IQSEC1: variants seen among roughly 807,000 people sequenced by gnomAD.
IQSEC1 encodes IQ motif and Sec7 domain ArfGEF 1, also known as IQ motif and SEC7 domain-containing protein 1.
In IQSEC1, 31 loss-of-function variants were observed where a neutral mutation model predicts 91.0. The observed-to-expected ratio is 0.34, with a 90% confidence interval of 0.26 to 0.46. IQSEC1 has a LOEUF of 0.46. IQSEC1 is among the 20% of genes least tolerant of loss of function. The pLI is 1.00. For missense variants in IQSEC1, 1,388 were observed against 1,575.6 expected (o/e 0.88, Z 2.02); for synonymous variants, 699 against 662.6 (o/e 1.05, Z -0.84).
Position 13,064,677 on chromosome 3 carries a change from C to T in IQSEC1, c.23+8315G>A, listed in dbSNP as rs77147574. ...CTTCCCTCGACTGCGAGAGCAGTTG[C>T]ATTCCTGGAAAACTCAATGCATATT... On this transcript the variant is annotated intron_variant, in intron 1 of 13. Coordinates refer to ENST00000613206, the MANE Select transcript of IQSEC1 (RefSeq NM_001134382.3). Among the ~76,000 whole-genome samples, 8 of 152,380 alleles carry T rather than the reference C, an allele frequency of 5.3e-5. No homozygotes were observed. In the East Asian group the frequency reaches 1.5e-3, roughly 29 times the overall value.
chr3:13,158,196 T>TA (rs1312141955), intron 2 of IQSEC1, among the ~76,000 whole-genome samples: 1 of 152,164 alleles, frequency 6.6e-6, no homozygotes, highest in Admixed American at 6.5e-5. Context: ...CATGGCTGGA[T>TA]AGCGGCAGAG....
chr3:13,197,590 A>G (rs1315558747), intron 1 of IQSEC1, among the ~76,000 whole-genome samples: 1 of 152,206 alleles, frequency 6.6e-6, no homozygotes. Context: ...CCTATTCAGC[A>G]GCATCTTGAC....
intron 1 of IQSEC1, among the ~76,000 whole-genome samples, chr3:12,955,489 A>C (rs1234217540): frequency 6.6e-6 from 1 of 152,058 alleles, no homozygotes; most frequent in Non-Finnish European, 1.5e-5. Flanking sequence ...CCTGCAATCA[A>C]CCCCAGCCAG....
chr3:13,130,237 G>A (rs1195705662), intron 2 of IQSEC1, among the ~76,000 whole-genome samples: 6 of 150,864 alleles, frequency 4.0e-5, no homozygotes, highest in South Asian at 2.1e-4. Flanking sequence ...CCAGCTACTC[G>A]GAAGGCTAAG....
At chr3:12,966,597 G>A (rs1700586833) in intron 1 of IQSEC1, among the ~76,000 whole-genome samples, 1 of 151,958 alleles carries the variant, frequency 6.6e-6, no homozygotes, top group Non-Finnish European at 1.5e-5. Flanking sequence ...TCAGACAGCC[G>A]CCCACAGGCC....
chr3:13,058,762 G>C (rs573390829), intron 1 of IQSEC1, among the ~76,000 whole-genome samples: 2 of 152,322 alleles, frequency 1.3e-5, no homozygotes, highest in African/African-American at 4.8e-5. Flanking sequence ...GAGTGTGGGG[G>C]CTTCTATTTT....
intron 2 of IQSEC1, among the ~76,000 whole-genome samples, chr3:13,155,465 A>T (rs764974455): frequency 6.6e-5 from 10 of 152,240 alleles, no homozygotes; most frequent in Non-Finnish European, 1.2e-4. Context: ...ACTAATAAGG[A>T]GACTGAATTA....
At chr3:13,150,961 C>G (rs888632572) in intron 2 of IQSEC1, among the ~76,000 whole-genome samples, 1 of 152,204 alleles carries the variant, frequency 6.6e-6, no homozygotes, top group African/African-American at 2.4e-5. Flanking sequence ...GAGCTCTTCT[C>G]CCTCATGGCC....
Position 13,227,539 on chromosome 3 carries a change from C to T in IQSEC1, c.272+55172G>A, listed in dbSNP as rs1339351348. On this transcript the variant is annotated intron_variant, in intron 1 of 15. Transcript: ENST00000648114. ...GTGATAGTGACACATCGTGCAGGGGCTGTGCCCACTGTGAGGACTCTGGTT... is the reference window on the plus strand; with the variant it reads ...GTGATAGTGACACATCGTGCAGGGGTTGTGCCCACTGTGAGGACTCTGGTT... Among the ~76,000 whole-genome samples the T allele has an allele frequency of 2.0e-5, 3 of 152,108 alleles. No individual in the cohort carries two copies. In the East Asian group the frequency reaches 5.8e-4, roughly 29 times the overall value.
At chr3:13,169,857 T>C (rs1358281545) in intron 1 of IQSEC1, among the ~76,000 whole-genome samples, 1 of 152,188 alleles carries the variant, frequency 6.6e-6, no homozygotes, top group Non-Finnish European at 1.5e-5. Context: ...TTCAGTTTTC[T>C]AAGGGAAGCA....
chr3:12,932,498 C>G (rs546043805), intron 3 of IQSEC1, among the ~76,000 whole-genome samples: 6 of 152,328 alleles, frequency 3.9e-5, no homozygotes, highest in African/African-American at 1.2e-4. Context: ...CCCTGGGAAC[C>G]ATGCCTGGCG....
At chr3:13,000,129 A>T (rs1702362377) in intron 1 of IQSEC1, among the ~76,000 whole-genome samples, 2 of 152,242 alleles carry the variant, frequency 1.3e-5, no homozygotes. Context: ...ATTCCAAATC[A>T]ATCAAAAACA....
intron 1 of IQSEC1, among the ~76,000 whole-genome samples, chr3:12,951,644 C>T (rs992154185): frequency 2.0e-5 from 3 of 152,136 alleles, no homozygotes; most frequent in African/African-American, 4.8e-5. Context: ...AGAATGATGC[C>T]TGGCTGTTGA....
At chr3:13,144,911 C>T (rs905111972) in intron 2 of IQSEC1, among the ~76,000 whole-genome samples, 1 of 152,214 alleles carries the variant, frequency 6.6e-6, no homozygotes, top group Non-Finnish European at 1.5e-5. Flanking sequence ...AGACTCTGGC[C>T]ATGGCAGGGC....
chr3:13,039,379 A>T (rs2125034022), intron 1 of IQSEC1, among the ~76,000 whole-genome samples: 1 of 152,348 alleles, frequency 6.6e-6, no homozygotes, highest in East Asian at 1.9e-4. Flanking sequence ...GCTTTGAGGG[A>T]GCCTGGCACA....
Position 13,146,132 on chromosome 3 carries a change from C to A in IQSEC1, c.302+17972G>T, listed in dbSNP as rs1706892135. 5.9e-5 allele frequency among the ~76,000 whole-genome samples: 9 copies of A among 151,764 alleles called. No individual in the cohort carries two copies. The South Asian group carries it at 1.9e-3, about 32-fold the overall frequency. On this transcript the variant is annotated intron_variant, in intron 2 of 15. Transcript: ENST00000648114. ...CCTCCTAAGTGGCTGGGACTGCAGG[C>A]ATGTACCACCACACTCAGCTATTTT...
intron 1 of IQSEC1, among the ~76,000 whole-genome samples, chr3:12,943,121 G>A (rs1437080198): frequency 1.3e-5 from 2 of 152,184 alleles, no homozygotes; most frequent in Non-Finnish European, 2.9e-5. Context: ...CAGGTGAGGA[G>A]ACTGAGGCCT....
chr3:13,246,105 G>C (rs1695104040), intron 1 of IQSEC1, among the ~76,000 whole-genome samples: 1 of 152,214 alleles, frequency 6.6e-6, no homozygotes, highest in Admixed American at 6.5e-5. Flanking sequence ...AAATAGTAGT[G>C]CATCCGAGCA....
chr3:13,051,476 C>A (rs1704688421), intron 1 of IQSEC1, among the ~76,000 whole-genome samples: 1 of 152,126 alleles, frequency 6.6e-6, no homozygotes, highest in Non-Finnish European at 1.5e-5. Context: ...CTGGCAGGGG[C>A]AGGGGCAGGG....
Sources: gnomAD v4.1 joint callset for allele counts (sites outside exome capture counted in the v4.1 genomes callset) on GRCh38, gnomAD v4.1.1 for gene constraint, MANE v1.5 for transcripts, NCBI Gene and HGNC (gene_info 2026-07-23, HGNC 2026-07-21) for gene names.